FAM219A: variants seen among roughly 807,000 people sequenced by gnomAD.
FAM219A encodes protein FAM219A.
Under a neutral mutation model 23.4 loss-of-function variants are expected in FAM219A, and 7 were observed. That is an observed-to-expected ratio of 0.30 (90% CI 0.17 to 0.56). The LOEUF (loss-of-function observed/expected upper bound fraction) is 0.56, where lower values mean the gene tolerates loss of function less well. Among genes scored for constraint, FAM219A ranks in the 20% least tolerant of loss-of-function variants. The pLI is 0.92. For synonymous variants in FAM219A, 93 were observed against 99.0 expected (o/e 0.94, Z 0.36); for missense variants, 166 against 246.9 (o/e 0.67, Z 2.20).
intron 1 of FAM219A, among the ~76,000 whole-genome samples, chr9:34,416,896 T>C (rs1822058446): frequency 6.8e-6 from 1 of 147,530 alleles, no homozygotes; most frequent in Non-Finnish European, 1.5e-5. Context: ...GGCACAATCA[T>C]AGCTTACTAC....
Position 34,457,705 on chromosome 9 carries a change from C to G in FAM219A, c.60+499G>C, listed in dbSNP as rs891379740. On this transcript the variant is annotated intron_variant, in intron 1 of 5. Coordinates refer to ENST00000651358, the MANE Select transcript of FAM219A (RefSeq NM_001184940.2). The surrounding 1 kb of genome is among the most constrained non-coding windows in gnomAD (Gnocchi z 5.1). The stretch of plus-strand genomic sequence containing the variant: ...CCTTCCCCCACTGGGTCCCTCGCCC[C>G]GGCCCAGCGTTCCTGTCCGTATATC... Among the ~76,000 whole-genome samples, 12 of 152,092 alleles carry G rather than the reference C, an allele frequency of 7.9e-5. No individual in the cohort carries two copies. Among genetic ancestry groups the G allele is most frequent in the African/African-American group, 2.9e-4 (12 of 41,424 alleles).
chr9:34,458,154 T>A lies in FAM219A; in HGVS notation c.60+50A>T. ...CCCGGCCTGATTCCCTCCCTCCCCC[T>A]CAAGCGACGCCCCCTCCGGCCTTGG... is the stretch of plus-strand genomic sequence containing the variant. On this transcript the variant is annotated intron_variant, in intron 1 of 5. Coordinates refer to ENST00000651358, the MANE Select transcript of FAM219A (RefSeq NM_001184940.2). The surrounding 1 kb of genome is among the most constrained non-coding windows in gnomAD (Gnocchi z 6.6). 1.1e-5 allele frequency: 14 copies of A among 1,286,006 alleles called. No individual in the cohort carries two copies. Among genetic ancestry groups the A allele is most frequent in the Non-Finnish European group, 1.3e-5 (12 of 946,998 alleles). 79.7% of individuals were successfully genotyped at this position (1,286,006 alleles called of 1,614,324 possible).
intron 1 of FAM219A, among the ~76,000 whole-genome samples, chr9:34,446,843 A>G (rs984512296): frequency 2.0e-5 from 3 of 152,244 alleles, no homozygotes; most frequent in Non-Finnish European, 4.4e-5. Flanking sequence ...TGATATCAGT[A>G]CAGAATGGAG....
chr9:34,401,696 T>C lies in FAM219A; in HGVS notation c.369A>G (p.Arg123=), dbSNP rs781648073. Reference sequence around the variant, plus strand: ...CAGAGGAGTAGCCGGAGGAGGAGTATCTAGACATGTCAAAGTCATCATCGC... The same window carrying C: ...CAGAGGAGTAGCCGGAGGAGGAGTACCTAGACATGTCAAAGTCATCATCGC... ...TDSDDDFDMS[R]YSSSGYSSAE... is the part of the protein sequence containing the mutation. Residue 123 remains arginine (R), a synonymous_variant, in exon 5 of 6, where the codon AGA becomes AGG. Transcript: ENST00000651358. 5 of 1,608,638 alleles carry C rather than the reference T, an allele frequency of 3.1e-6. No individual in the cohort carries two copies. In the East Asian group the frequency reaches 1.1e-4, roughly 36 times the overall value.
At chr9:34,413,079 G>A (rs1285129086) in intron 1 of FAM219A, among the ~76,000 whole-genome samples, 1 of 152,014 alleles carries the variant, frequency 6.6e-6, no homozygotes, top group Non-Finnish European at 1.5e-5. Flanking sequence ...GAGGGGGCAT[G>A]GTCTTTGAGG....
intron 1 of FAM219A, among the ~76,000 whole-genome samples, chr9:34,408,136 G>A (rs1418813888): frequency 3.3e-5 from 5 of 152,348 alleles, no homozygotes; most frequent in African/African-American, 1.2e-4. Context: ...CTGAGTAGAA[G>A]AAGGGCAGGA....
intron 1 of FAM219A, among the ~76,000 whole-genome samples, chr9:34,438,295 C>T (rs903810849): frequency 6.6e-6 from 1 of 152,228 alleles, no homozygotes; most frequent in Non-Finnish European, 1.5e-5. Flanking sequence ...CCACGGCGCC[C>T]AGTCCCATCG....
chr9:34,421,005 T>TGAGAGAGAGA (rs1413300702), intron 1 of FAM219A, among the ~76,000 whole-genome samples: 201 of 41,448 alleles, frequency 4.8e-3, no homozygotes, highest in African/African-American at 0.014. Flanking sequence ...TGTGTGTGTG[T>TGAGAGAGAGA]GTGTGAGAGA....
chr9:34,400,677 G>T lies in FAM219A; in HGVS notation c.*287C>A. On this transcript the variant is annotated 3_prime_UTR_variant, in exon 6 of 6. Coordinates refer to ENST00000651358, the MANE Select transcript of FAM219A (RefSeq NM_001184940.2). ...AGTCTTCTCTCTTGGCCAGCCCTGGGAAGCGGGGCAGGGTGCTGGGTGAGG... is the reference window on the plus strand; with the variant it reads ...AGTCTTCTCTCTTGGCCAGCCCTGGTAAGCGGGGCAGGGTGCTGGGTGAGG... 3.2e-6 allele frequency: 1 copy of T among 314,432 alleles called. No homozygotes were observed. Among genetic ancestry groups the T allele is most frequent in the Non-Finnish European group, 5.8e-6 (1 of 171,358 alleles). 19.5% of individuals were successfully genotyped at this position (314,432 alleles called of 1,614,324 possible). A position where few individuals can be genotyped will look rare whatever the true frequency, so the allele number is the denominator to read the frequency against.
intron 1 of FAM219A, among the ~76,000 whole-genome samples, chr9:34,419,343 G>A (rs1232235872): frequency 6.6e-6 from 1 of 152,048 alleles, no homozygotes; most frequent in Admixed American, 6.6e-5. Context: ...GGACGGGGCT[G>A]GGGATTTGGG....
intron 4 of FAM219A, 35 bp downstream of exon 4, chr9:34,402,352 G>T: frequency 1.2e-6 from 2 of 1,614,118 alleles, no homozygotes. Context: ...AGGTTCCTTT[G>T]GGCTGCCCAG....
chr9:34,453,009 T>A (rs4879791), intron 1 of FAM219A, among the ~76,000 whole-genome samples: 1 of 152,008 alleles, frequency 6.6e-6, no homozygotes, highest in Non-Finnish European at 1.5e-5. Context: ...ACTTGGTGTT[T>A]GTTTGATGAG....
intron 3 of FAM219A, 69 bp from the exon 4 acceptor site, chr9:34,402,536 G>A: frequency 6.3e-7 from 1 of 1,595,784 alleles, no homozygotes; most frequent in Non-Finnish European, 8.6e-7. Context: ...GACTGGGTTG[G>A]GCCCCGTCCC....
At chr9:34,414,712 A>G (rs1457999696) in intron 1 of FAM219A, among the ~76,000 whole-genome samples, 1 of 152,176 alleles carries the variant, frequency 6.6e-6, no homozygotes, top group African/African-American at 2.4e-5. Flanking sequence ...GTCTGAAGAG[A>G]AAGTTTGTGA....
At chr9:34,449,430 T>C (rs2132016931) in intron 1 of FAM219A, among the ~76,000 whole-genome samples, 2 of 152,314 alleles carry the variant, frequency 1.3e-5, no homozygotes, top group South Asian at 4.1e-4. Flanking sequence ...AAAACTCCCT[T>C]AGAAATATTA....
chr9:34,440,076 A>C (rs149272838), intron 1 of FAM219A, among the ~76,000 whole-genome samples: 13 of 152,348 alleles, frequency 8.5e-5, no homozygotes, highest in African/African-American at 3.1e-4. Flanking sequence ...AGAACTAGAC[A>C]TAAGGAGGAG....
In FAM219A at chr9:34,450,245, G is replaced by T. The variant is rs191056283; in HGVS notation, c.60+7959C>A. ...GGAGGATCGCTTGAGCCTGGGAGGC[G>T]GAGTTTGCAGTGAGCCAAGATTAAG... On this transcript the variant is annotated intron_variant, in intron 1 of 5. Coordinates refer to ENST00000651358, the MANE Select transcript of FAM219A (RefSeq NM_001184940.2). Among the ~76,000 whole-genome samples the T allele has an allele frequency of 2.0e-3, 296 of 151,514 alleles. 1 individual carries two copies. The highest frequency in any genetic ancestry group is 6.0e-3 in the African/African-American group (248 of 41,210).
At chr9:34,424,236 G>A (rs973058457) in intron 1 of FAM219A, among the ~76,000 whole-genome samples, 1 of 152,152 alleles carries the variant, frequency 6.6e-6, no homozygotes, top group Non-Finnish European at 1.5e-5. Flanking sequence ...AACCAGCATA[G>A]AATGGCCACT....
intron 4 of FAM219A, 200 bp downstream of exon 4, chr9:34,402,187 C>T (rs916049728): frequency 1.3e-5 from 20 of 1,510,034 alleles, no homozygotes; most frequent in Non-Finnish European, 1.8e-5. Context: ...GCAGGCCCCC[C>T]TTTCCTCTCT....
Sources: allele counts gnomAD v4.1 joint callset (sites outside exome capture counted in the v4.1 genomes callset), GRCh38; gene constraint gnomAD v4.1.1; non-coding constraint Gnocchi (gnomAD v3.1); transcripts MANE v1.5; gene names NCBI Gene and HGNC (gene_info 2026-07-23, HGNC 2026-07-21).